The following MAPK10 variants were observed in gnomAD, a reference collection of about 807,000 sequenced individuals.
MAPK10 encodes JNK3 alpha protein kinase.
In MAPK10, 25 loss-of-function variants were observed where a neutral mutation model predicts 59.3. The ratio of observed to expected loss-of-function variants is 0.42; its 90% CI spans 0.31 to 0.59. The LOEUF is 0.59. MAPK10 is among the 20% of genes least tolerant of loss of function. The pLI is 0.15. For synonymous variants in MAPK10, 190 were observed against 200.5 expected, an observed-to-expected ratio of 0.95 and a Z score of 0.44; for missense variants, 351 against 568.9, an observed-to-expected ratio of 0.62 and a Z score of 3.90.
intron 3 of MAPK10, among the ~76,000 whole-genome samples, chr4:86,180,648 A>G (rs1169066843): frequency 6.6e-6 from 1 of 152,060 alleles, no homozygotes; most frequent in African/African-American, 2.4e-5. Context: ...ATATACACTC[A>G]ATGGAATACT....
At chr4:86,324,143 A>T (rs1156716827) in intron 2 of MAPK10, among the ~76,000 whole-genome samples, 1 of 152,168 alleles carries the variant, frequency 6.6e-6, no homozygotes, top group African/African-American at 2.4e-5. Context: ...GTACTGGCTC[A>T]AGTCTGTAAT....
chr4:86,146,159 T>C (rs2064954384), intron 4 of MAPK10, among the ~76,000 whole-genome samples: 1 of 151,930 alleles, frequency 6.6e-6, no homozygotes, highest in Non-Finnish European at 1.5e-5. Context: ...GAGCTGAGAG[T>C]GAATAACAGA....
intron 1 of MAPK10, among the ~76,000 whole-genome samples, chr4:86,591,650 A>G (rs1763056694): frequency 6.6e-6 from 1 of 152,210 alleles, no homozygotes. Flanking sequence ...TTGGCATTAC[A>G]GGCATAAGCC....
chr4:86,361,201 C>T (rs1736885888), upstream of MAPK10, among the ~76,000 whole-genome samples: 1 of 152,162 alleles, frequency 6.6e-6, no homozygotes, highest in African/African-American at 2.4e-5. Context: ...GTAAGAAACG[C>T]ATACGTTTTT....
At chr4:86,172,753 A>G (rs1036822904) in intron 3 of MAPK10, among the ~76,000 whole-genome samples, 4 of 150,298 alleles carry the variant, frequency 2.7e-5, no homozygotes, top group African/African-American at 1.0e-4. Context: ...AAACATGAAA[A>G]AAATAAAAAT....
chr4:86,144,709 G>C (rs2064451845), intron 4 of MAPK10, among the ~76,000 whole-genome samples: 1 of 152,062 alleles, frequency 6.6e-6, no homozygotes, highest in African/African-American at 2.4e-5. Flanking sequence ...AAATCCCTTT[G>C]CATGTGTAGG....
At chr4:86,101,279 G>T in intron 7 of MAPK10, 62 bp from the exon 8 acceptor site, 1 of 1,348,224 alleles carries the variant, frequency 7.4e-7, no homozygotes, top group Non-Finnish European at 1.0e-6. Flanking sequence ...TATTTCCATT[G>T]ACTCAATCAA....
At chr4:86,508,068 T>A (rs116642503) in intron 1 of MAPK10, among the ~76,000 whole-genome samples, 1 of 152,064 alleles carries the variant, frequency 6.6e-6, no homozygotes, top group African/African-American at 2.4e-5. Flanking sequence ...AAGAAAACAT[T>A]GTCTTCTTTT....
rs56210798 is a variant in MAPK10 at position 86,581,676 on chromosome 4, TTGTGTG to T, written c.-263+12228_-263+12233del. ...CTAAGCTATCTTTTTTTTTCAGTTA[TTGTGTG>T]TGTGTGTGTGTGTGTGTGTGTGTGT... On this transcript the variant is annotated intron_variant, in intron 1 of 4. Transcript: ENST00000502302. Among the ~76,000 whole-genome samples the T allele has an allele frequency of 3.3e-3, 451 of 136,852 alleles. 4 individuals are homozygous for T. The highest frequency in any genetic ancestry group is 9.9e-3 in the African/African-American group (367 of 37,210). 89.8% of individuals were successfully genotyped at this position (136,852 alleles called of 152,430 possible). A position where few individuals can be genotyped will look rare whatever the true frequency, so the allele number is the denominator to read the frequency against.
intron 1 of MAPK10, among the ~76,000 whole-genome samples, chr4:86,518,125 C>T (rs547403296): frequency 7.2e-5 from 11 of 152,234 alleles, no homozygotes; most frequent in South Asian, 4.1e-4. Context: ...CAGGTTAAAG[C>T]GATTTTCCTG....
chr4:86,480,515 G>A (rs1311033501), intron 1 of MAPK10, among the ~76,000 whole-genome samples: 4 of 152,126 alleles, frequency 2.6e-5, no homozygotes, highest in African/African-American at 4.8e-5. Context: ...ACACGGATGC[G>A]AGTGAAATGA....
At chr4:86,401,433 T>C (rs1743711607) in intron 1 of MAPK10, among the ~76,000 whole-genome samples, 1 of 152,208 alleles carries the variant, frequency 6.6e-6, no homozygotes, top group African/African-American at 2.4e-5. Context: ...TAGGAAATTG[T>C]GTTAAAAATT....
upstream of MAPK10, among the ~76,000 whole-genome samples, chr4:86,456,193 A>G (rs888015974): frequency 6.6e-6 from 1 of 152,202 alleles, no homozygotes; most frequent in Non-Finnish European, 1.5e-5. Context: ...CTAAATGCCT[A>G]CATAAAAATG....
At chr4:86,208,375 A>C (rs1353432247) in intron 2 of MAPK10, among the ~76,000 whole-genome samples, 1 of 148,552 alleles carries the variant, frequency 6.7e-6, no homozygotes, top group Non-Finnish European at 1.5e-5. Flanking sequence ...GCAGCACATC[A>C]AAAAGCTTAT....
intron 1 of MAPK10, among the ~76,000 whole-genome samples, chr4:86,403,953 C>A (rs1404936606): frequency 5.3e-5 from 8 of 152,018 alleles, no homozygotes; most frequent in Admixed American, 5.2e-4. Flanking sequence ...TTTTTCTCCC[C>A]CTTCCGATCT....
At chr4:86,496,974 T>TA (rs1224475916) in intron 1 of MAPK10, among the ~76,000 whole-genome samples, 1 of 152,248 alleles carries the variant, frequency 6.6e-6, no homozygotes, top group Non-Finnish European at 1.5e-5. Context: ...ACATTCCTTA[T>TA]AATGCTTATG....
chr4:86,047,142 C>T (rs1388507749), intron 11 of MAPK10, among the ~76,000 whole-genome samples: 1 of 152,082 alleles, frequency 6.6e-6, no homozygotes, highest in African/African-American at 2.4e-5. Context: ...AGGATCCCCT[C>T]TGCTACATAT....
At chr4:86,248,214 T>C (rs1234889470) in intron 2 of MAPK10, among the ~76,000 whole-genome samples, 1 of 152,206 alleles carries the variant, frequency 6.6e-6, no homozygotes, top group African/African-American at 2.4e-5. Flanking sequence ...GTGTCATTGG[T>C]TTTTTTCTAA....
chr4:86,433,383 G>GATCAA (rs1223103920), intron 1 of MAPK10, among the ~76,000 whole-genome samples: 1 of 151,812 alleles, frequency 6.6e-6, no homozygotes, highest in African/African-American at 2.4e-5. Flanking sequence ...ACAAAAGGTT[G>GATCAA]GACTCCTTTC....
Sources: allele counts gnomAD v4.1 joint callset (sites outside exome capture counted in the v4.1 genomes callset), GRCh38; gene constraint gnomAD v4.1.1; transcripts MANE v1.5; gene names NCBI Gene and HGNC (gene_info 2026-07-23, HGNC 2026-07-21).